The following LRBA variants were observed in gnomAD, a reference collection of about 807,000 sequenced individuals.
LRBA encodes LPS responsive beige-like anchor protein.
A neutral mutation model predicts 330.0 loss-of-function variants in LRBA; 176 were observed. The ratio of observed to expected loss-of-function variants is 0.53; its 90% confidence interval spans 0.47 to 0.60. The LOEUF (loss-of-function observed/expected upper bound fraction) is 0.60, where lower values mean the gene tolerates loss of function less well. Ranked by LOEUF, LRBA falls within the 20% of genes least tolerant of loss-of-function variation. The pLI is 0.00. For synonymous variants in LRBA, 1,230 were observed against 1,193.0 expected, an observed-to-expected ratio of 1.03 and a Z score of -0.64; for missense variants, 3,259 against 3,444.8, an observed-to-expected ratio of 0.95 and a Z score of 1.35.
At chr4:150,480,284 C>T (rs1386834487) in intron 42 of LRBA, among the ~76,000 whole-genome samples, 1 of 152,098 alleles carries the variant, frequency 6.6e-6, no homozygotes, top group Non-Finnish European at 1.5e-5. Context: ...ACATTTCTCT[C>T]AGAGACTTAT....
chr4:150,337,262 C>T (rs1734878583), intron 48 of LRBA, among the ~76,000 whole-genome samples: 2 of 151,932 alleles, frequency 1.3e-5, no homozygotes, highest in South Asian at 4.2e-4. Flanking sequence ...GGGTTCATGA[C>T]AAAAGTCATC....
intron 44 of LRBA, among the ~76,000 whole-genome samples, chr4:150,449,110 C>A (rs1463373735): frequency 6.6e-6 from 1 of 152,030 alleles, no homozygotes; most frequent in Non-Finnish European, 1.5e-5. Context: ...GGGAGAGGAA[C>A]ACCAAACTCT....
chr4:150,516,337 G>A (rs897571189), intron 40 of LRBA, among the ~76,000 whole-genome samples: 1 of 144,892 alleles, frequency 6.9e-6, no homozygotes, highest in Admixed American at 7.3e-5. Context: ...ACAGTGGCTT[G>A]CACACAGTTA....
intron 26 of LRBA, among the ~76,000 whole-genome samples, chr4:150,845,177 T>C (rs1464401498): frequency 6.6e-6 from 1 of 152,192 alleles, no homozygotes; most frequent in East Asian, 1.9e-4. Context: ...ACAAAGTACA[T>C]TACCATGAAC....
intron 34 of LRBA, among the ~76,000 whole-genome samples, chr4:150,778,537 G>A (rs1019787575): frequency 1.5e-4 from 23 of 152,118 alleles, no homozygotes; most frequent in Admixed American, 3.9e-4. Context: ...TGTATTTACA[G>A]TTTTTCAGGT....
intron 48 of LRBA, among the ~76,000 whole-genome samples, chr4:150,341,118 T>G (rs939914193): frequency 2.0e-5 from 3 of 152,096 alleles, no homozygotes; most frequent in African/African-American, 7.2e-5. Context: ...GAACTAATGA[T>G]GAACAGATAT....
At chr4:150,817,064 A>C in intron 31 of LRBA, 60 bp downstream of exon 31, 1 of 1,511,250 alleles carries the variant, frequency 6.6e-7, no homozygotes, top group Non-Finnish European at 9.1e-7. Flanking sequence ...CAAAAATCTT[A>C]AGCGTTGCTA....
chr4:150,269,010 A>AAAACTTACTT (rs58937703), intron 56 of LRBA, among the ~76,000 whole-genome samples: 1 of 151,676 alleles, frequency 6.6e-6, no homozygotes, highest in Admixed American at 6.6e-5. Flanking sequence ...AAACAAAACA[A>AAAACTTACTT]AAGAGCTAAT....
chr4:150,872,962 T>C (rs961409830), intron 17 of LRBA, among the ~76,000 whole-genome samples: 1 of 152,152 alleles, frequency 6.6e-6, no homozygotes, highest in Non-Finnish European at 1.5e-5. Context: ...AATTGGAATA[T>C]AAGAAATGAG....
intron 33 of LRBA, among the ~76,000 whole-genome samples, chr4:150,799,034 C>A (rs759783176): frequency 9.2e-5 from 14 of 152,126 alleles, no homozygotes; most frequent in Admixed American, 4.6e-4. Flanking sequence ...GGTACCCTAT[C>A]CATTCCCTTT....
chr4:150,392,515 C>A (rs530071759), intron 47 of LRBA, among the ~76,000 whole-genome samples: 1 of 152,264 alleles, frequency 6.6e-6, no homozygotes, highest in African/African-American at 2.4e-5. Context: ...GCCCCATCTC[C>A]AAATATCCTC....
chr4:150,552,993 C>T (rs948757730), intron 40 of LRBA, among the ~76,000 whole-genome samples: 49 of 150,960 alleles, frequency 3.2e-4, no homozygotes, highest in Admixed American at 2.3e-3. Flanking sequence ...GGCATGAACC[C>T]GGGAAACGGA....
At chr4:150,541,100 C>T (rs572167373) in intron 40 of LRBA, among the ~76,000 whole-genome samples, 11 of 152,200 alleles carry the variant, frequency 7.2e-5, no homozygotes, top group Admixed American at 2.0e-4. Context: ...GAAAGTTAGC[C>T]AGTTACTGGA....
intron 40 of LRBA, among the ~76,000 whole-genome samples, chr4:150,559,610 A>T (rs1767820278): frequency 9.2e-6 from 1 of 108,774 alleles, no homozygotes; most frequent in Non-Finnish European, 1.7e-5. Flanking sequence ...ATGTATATTT[A>T]TATATTGTAT....
At chr4:150,717,445 C>T (rs1481264704) in intron 36 of LRBA, among the ~76,000 whole-genome samples, 4 of 151,812 alleles carry the variant, frequency 2.6e-5, no homozygotes, top group South Asian at 4.2e-4. Flanking sequence ...GAGGCTTGAG[C>T]TCAGGAGCTT....
chr4:150,549,108 T>C (rs558729830), intron 40 of LRBA, among the ~76,000 whole-genome samples: 1 of 152,034 alleles, frequency 6.6e-6, no homozygotes, highest in Non-Finnish European at 1.5e-5. Context: ...ATGAATATAT[T>C]CTAAGATATA....
chr4:150,633,475 C>G (rs527256753), intron 37 of LRBA, among the ~76,000 whole-genome samples: 63 of 152,332 alleles, frequency 4.1e-4, no homozygotes, highest in African/African-American at 1.5e-3. Flanking sequence ...ATAAATCCAT[C>G]TCAATTTCAA....
rs186829790 is a variant in LRBA, at chr4:150,958,096, T to C, written c.217-29031A>G. Among the ~76,000 whole-genome samples the C allele has an allele frequency of 2.7e-4, 41 of 149,210 alleles. No individual in the cohort carries two copies. The East Asian group carries it at 7.9e-3, about 29-fold the overall frequency. On this transcript the variant is annotated intron_variant, in intron 2 of 56. Transcript: ENST00000651943. ...ACAGCTCCACTAGGCAGTGCCCCAG[T>C]GGAAACTCTGTGGAGGCGCTTGTAC...
rs565686662 is a variant in LRBA, at chr4:150,541,406, T to C, written c.6330+46642A>G. Among the ~76,000 whole-genome samples the C allele has an allele frequency of 7.2e-5, 11 of 152,314 alleles. No homozygotes were observed. In the South Asian group the frequency reaches 2.3e-3, roughly 32 times the overall value. ...GAGGTTAAGCTGGAACATTGGTTCC[T>C]TTCAAAATTCACAGTCCTATCAGTT... On this transcript the variant is annotated intron_variant, in intron 40 of 56. Coordinates refer to ENST00000651943, the MANE Select transcript of LRBA (RefSeq NM_001364905.1).
Sources: gnomAD v4.1 joint callset for allele counts (sites outside exome capture counted in the v4.1 genomes callset) on GRCh38, gnomAD v4.1.1 for gene constraint, MANE v1.5 for transcripts, NCBI Gene and HGNC (gene_info 2026-07-23, HGNC 2026-07-21) for gene names.